NTM: variants seen among roughly 807,000 people sequenced by gnomAD.
NTM encodes the protein IgLON family member 2.
In NTM, 13 loss-of-function variants were observed where a neutral mutation model predicts 42.1. The ratio of observed to expected loss-of-function variants is 0.31; its 90% CI spans 0.20 to 0.49. The LOEUF is 0.49. Among genes scored for constraint, NTM ranks in the 20% least tolerant of loss-of-function variants. NTM has a pLI of 0.99. For synonymous variants in NTM, 187 were observed against 179.2 expected (o/e 1.04, Z -0.35); for missense variants, 373 against 452.8 (o/e 0.82, Z 1.60).
intron 2 of NTM, among the ~76,000 whole-genome samples, chr11:131,914,646 A>T (rs2055962758): frequency 6.6e-6 from 1 of 152,166 alleles, no homozygotes; most frequent in Non-Finnish European, 1.5e-5. Flanking sequence ...ATCCTTGTGG[A>T]GGTATTGGGA....
chr11:131,995,762 T>C (rs1177115977), intron 2 of NTM, among the ~76,000 whole-genome samples: 1 of 151,858 alleles, frequency 6.6e-6, no homozygotes, highest in African/African-American at 2.4e-5. Context: ...TCAGGTGTCA[T>C]CAGCCCAGGA....
At chr11:131,992,711 C>A (rs1428613742) in intron 2 of NTM, among the ~76,000 whole-genome samples, 3 of 152,104 alleles carry the variant, frequency 2.0e-5, no homozygotes, top group Middle Eastern at 3.2e-3. Context: ...TTTCTATGTT[C>A]CTCTTACAAA....
intron 2 of NTM, among the ~76,000 whole-genome samples, chr11:131,974,049 G>A (rs76132969): frequency 0.05 from 7,357 of 145,842 alleles, 612 homozygotes; most frequent in African/African-American, 0.18. Flanking sequence ...TTTCTTTCTT[G>A]TTATTTTCTT....
chr11:131,794,934 A>T, intron 1 of NTM: 1 of 985,206 alleles, frequency 1.0e-6, no homozygotes, highest in Non-Finnish European at 1.2e-6. Context: ...CTTTGGAGTT[A>T]GGGGAACCTG....
At chr11:131,542,988 C>T (rs975574761) in intron 1 of NTM, among the ~76,000 whole-genome samples, 3 of 152,188 alleles carry the variant, frequency 2.0e-5, no homozygotes, top group Non-Finnish European at 4.4e-5. Flanking sequence ...GAGAACATGT[C>T]CCTGGTGCCC....
chr11:131,444,303 C>T (rs1318939216), intron 1 of NTM, among the ~76,000 whole-genome samples: 2 of 150,078 alleles, frequency 1.3e-5, no homozygotes, highest in Non-Finnish European at 3.0e-5. Context: ...GCAGGGGCAA[C>T]TTGACATTAT....
chr11:132,096,675 G>C (rs147016582), intron 2 of NTM, among the ~76,000 whole-genome samples: 3 of 152,142 alleles, frequency 2.0e-5, no homozygotes, highest in Admixed American at 6.5e-5. Flanking sequence ...GGCTCCGCTC[G>C]GCCAGCAGAA....
In NTM at chr11:132,212,749, T is replaced by C. The variant is rs145469601; in HGVS notation, c.526+602T>C. On this transcript the variant is annotated intron_variant, in intron 4 of 8. Transcript: ENST00000683400. ...GTTTTGTGCTTTCATGGATTGTACA[T>C]TAAAACCTTTAGAATTTGAGACAAG... 6.4e-4 allele frequency among the ~76,000 whole-genome samples: 98 copies of C among 152,348 alleles called. No homozygotes were observed. In the East Asian group the frequency reaches 0.015, roughly 24 times the overall value.
rs575926694 is a variant in NTM at position 131,387,267 on chromosome 11, T to C, written c.82+16379T>C. Among the ~76,000 whole-genome samples, 27 of 152,288 alleles carry C rather than the reference T, an allele frequency of 1.8e-4. 1 individual carries two copies. The South Asian group carries it at 5.2e-3, about 29-fold the overall frequency. Reference sequence around the variant, plus strand: ...AGGTACTCGTGACTGGACCTCCCTATCAAAGTCATCTGCTTCCCTTTCTTG... The same window carrying C: ...AGGTACTCGTGACTGGACCTCCCTACCAAAGTCATCTGCTTCCCTTTCTTG... On this transcript the variant is annotated intron_variant, in intron 1 of 8. Coordinates refer to ENST00000683400, the MANE Select transcript of NTM (RefSeq NM_001352005.2).
intron 1 of NTM, among the ~76,000 whole-genome samples, chr11:131,547,125 A>AT (rs1300724369): frequency 6.6e-6 from 1 of 152,226 alleles, no homozygotes; most frequent in Non-Finnish European, 1.5e-5. Context: ...TATTTCAGCC[A>AT]TGACCTACAT....
rs531566759 is a variant in NTM, at chr11:132,083,680, A to G, written c.168-62602A>G. ...GGGCTTTTATTGGCTCTGCAAGTTGAGCTTGATTCCTTAAATGGAAGCATA... is the reference window on the plus strand; with the variant it reads ...GGGCTTTTATTGGCTCTGCAAGTTGGGCTTGATTCCTTAAATGGAAGCATA... On this transcript the variant is annotated intron_variant, in intron 2 of 8. Coordinates refer to ENST00000683400, the MANE Select transcript of NTM (RefSeq NM_001352005.2). 1.4e-4 allele frequency among the ~76,000 whole-genome samples: 21 copies of G among 152,338 alleles called. No individual in the cohort carries two copies. The South Asian group carries it at 4.4e-3, about 32-fold the overall frequency.
intron 2 of NTM, among the ~76,000 whole-genome samples, chr11:132,080,673 T>C (rs1326717088): frequency 6.6e-6 from 1 of 152,224 alleles, no homozygotes; most frequent in African/African-American, 2.4e-5. Context: ...GTATGAGTGC[T>C]GGACAGTCCC....
intron 2 of NTM, among the ~76,000 whole-genome samples, chr11:131,942,789 C>T (rs575975975): frequency 1.1e-4 from 17 of 151,844 alleles, no homozygotes; most frequent in South Asian, 4.2e-4. Context: ...CTACTAAAAA[C>T]GCAAAAATTA....
chr11:132,017,927 T>C (rs1411971712), intron 2 of NTM, among the ~76,000 whole-genome samples: 1 of 152,036 alleles, frequency 6.6e-6, no homozygotes, highest in East Asian at 1.9e-4. Context: ...GCTTGTTTAT[T>C]GTCAGTGTAC....
chr11:132,124,100 A>G (rs2065274475), intron 2 of NTM, among the ~76,000 whole-genome samples: 2 of 152,204 alleles, frequency 1.3e-5, no homozygotes, highest in Non-Finnish European at 2.9e-5. Flanking sequence ...TGATCTGAGT[A>G]AAGTGCTTTG....
chr11:131,576,065 A>G (rs1416451425), intron 1 of NTM, among the ~76,000 whole-genome samples: 1 of 152,188 alleles, frequency 6.6e-6, no homozygotes, highest in Non-Finnish European at 1.5e-5. Flanking sequence ...CAGACACGGT[A>G]TCTAGAGAAG....
chr11:132,137,698 G>T (rs2068219367), intron 2 of NTM, among the ~76,000 whole-genome samples: 1 of 152,138 alleles, frequency 6.6e-6, no homozygotes, highest in Admixed American at 6.5e-5. Flanking sequence ...GGCCTGAAGG[G>T]ATAAGGGGAA....
intron 1 of NTM, among the ~76,000 whole-genome samples, chr11:131,744,797 C>A (rs893889083): frequency 6.6e-6 from 1 of 152,102 alleles, no homozygotes; most frequent in Non-Finnish European, 1.5e-5. Flanking sequence ...TCTCCTTAGC[C>A]CCAAAGATGC....
rs917193709 is a variant in NTM at position 132,163,892 on chromosome 11, G to GT, written c.400+17389dup. On this transcript the variant is annotated intron_variant, in intron 3 of 8. Transcript: ENST00000683400. ...CTGGGGGTAAGCCCATGGTGTCTTT[G>GT]TTTTTTTTTTTATTTTTACTCCTGG... Among the ~76,000 whole-genome samples the GT allele has an allele frequency of 4.5e-3, 666 of 147,392 alleles. 3 individuals carry two copies. The highest frequency in any genetic ancestry group is 0.013 in the African/African-American group (517 of 40,464).
Sources: gnomAD v4.1 joint callset for allele counts (sites outside exome capture counted in the v4.1 genomes callset) on GRCh38, gnomAD v4.1.1 for gene constraint, MANE v1.5 for transcripts, NCBI Gene and HGNC (gene_info 2026-07-23, HGNC 2026-07-21) for gene names.